Variants in DLGAP2 observed in about 807,000 individuals in gnomAD.
DLGAP2 encodes the protein disks large-associated protein 2.
Under a neutral mutation model 100.3 loss-of-function variants are expected in DLGAP2, and 26 were observed. That is an observed-to-expected ratio of 0.26 (90% CI 0.19 to 0.36). DLGAP2 has a LOEUF of 0.36. Among genes scored for constraint, DLGAP2 ranks in the 10% least tolerant of loss-of-function variants. The pLI is 1.00. For missense variants in DLGAP2, 1,858 were observed against 1,453.2 expected, an observed-to-expected ratio of 1.28 and a Z score of -4.53; for synonymous variants, 886 against 630.1, an observed-to-expected ratio of 1.41 and a Z score of -6.08.
At chr8:1,087,938 G>T (rs1804030619) in intron 2 of DLGAP2, among the ~76,000 whole-genome samples, 1 of 152,194 alleles carries the variant, frequency 6.6e-6, no homozygotes, top group African/African-American at 2.4e-5. Flanking sequence ...CGCCCTCAGG[G>T]CACAATGTCA....
intron 1 of DLGAP2, among the ~76,000 whole-genome samples, chr8:838,728 AG>A (rs1214165521): frequency 5.3e-5 from 8 of 152,210 alleles, no homozygotes; most frequent in Non-Finnish European, 1.2e-4. Flanking sequence ...AAGACTCAAA[AG>A]AACAAGTAAT....
At chr8:1,364,720 C>G (rs1802069820) in intron 3 of DLGAP2, among the ~76,000 whole-genome samples, 1 of 152,348 alleles carries the variant, frequency 6.6e-6, no homozygotes, top group Middle Eastern at 3.4e-3. Flanking sequence ...GTGGGGGAGA[C>G]AGGCCCGAAC....
intron 2 of DLGAP2, among the ~76,000 whole-genome samples, chr8:1,238,403 A>G (rs188962778): frequency 1.5e-4 from 10 of 67,160 alleles, no homozygotes; most frequent in Non-Finnish European, 2.1e-4. Flanking sequence ...ACATGGCGCC[A>G]TGTCTAGTTA....
chr8:1,224,476 C>T (rs939134543), intron 2 of DLGAP2, among the ~76,000 whole-genome samples: 2 of 152,012 alleles, frequency 1.3e-5, no homozygotes, highest in African/African-American at 4.8e-5. Flanking sequence ...GTGTTTATTT[C>T]ATCTCAAAAC....
chr8:1,224,816 A>C (rs577075953), intron 2 of DLGAP2, among the ~76,000 whole-genome samples: 11 of 152,372 alleles, frequency 7.2e-5, no homozygotes, highest in African/African-American at 2.6e-4. Context: ...CAAATGGTCA[A>C]CAAGCACGTG....
At position 1,675,829 on chromosome 8, in the gene DLGAP2, T is replaced by G. The variant is rs537518910; in HGVS notation, c.2203-704T>G. Reference sequence around the variant, plus strand: ...AGTTTTCCTACTTGGTTTGGTTTTGTTTTTTTTTTTTTAGAGAACGTACTG... The same window carrying G: ...AGTTTTCCTACTTGGTTTGGTTTTGGTTTTTTTTTTTTAGAGAACGTACTG... On this transcript the variant is annotated intron_variant, in intron 10 of 14. Coordinates refer to ENST00000637795, the MANE Select transcript of DLGAP2 (RefSeq NM_001346810.2). Among the ~76,000 whole-genome samples the G allele has an allele frequency of 2.1e-5, 3 of 141,594 alleles. No homozygotes were observed. In the South Asian group the frequency reaches 6.8e-4, roughly 32 times the overall value. The allele number at this position is 141,594 out of a possible 152,430, so 92.9% of individuals were successfully genotyped here. A position where few individuals can be genotyped will look rare whatever the true frequency, so the allele number is the denominator to read the frequency against.
At chr8:1,304,244 G>A (rs1386236059) in intron 3 of DLGAP2, among the ~76,000 whole-genome samples, 1 of 152,236 alleles carries the variant, frequency 6.6e-6, no homozygotes, top group East Asian at 1.9e-4. Context: ...GGAGCCCTGA[G>A]CATGGGCTAT....
intron 3 of DLGAP2, among the ~76,000 whole-genome samples, chr8:1,320,466 G>T (rs1017734356): frequency 3.3e-5 from 5 of 152,134 alleles, no homozygotes; most frequent in Non-Finnish European, 7.4e-5. Context: ...GTCTGCCGAG[G>T]CTGGGAAGGC....
intron 2 of DLGAP2, among the ~76,000 whole-genome samples, chr8:1,134,760 A>G (rs1474501096): frequency 6.6e-6 from 1 of 152,178 alleles, no homozygotes; most frequent in Non-Finnish European, 1.5e-5. Flanking sequence ...GCAGGCCCAT[A>G]TTACGTGGCG....
intron 6 of DLGAP2, among the ~76,000 whole-genome samples, chr8:1,601,658 A>C (rs1160247257): frequency 6.6e-6 from 1 of 152,100 alleles, no homozygotes; most frequent in Non-Finnish European, 1.5e-5. Flanking sequence ...TTGAAAGTAA[A>C]ATGGAGCCTC....
chr8:1,203,315 G>A (rs542169591), intron 2 of DLGAP2, among the ~76,000 whole-genome samples: 12 of 151,272 alleles, frequency 7.9e-5, no homozygotes, highest in Non-Finnish European at 1.6e-4. Context: ...TGAGACTGGC[G>A]TGTCCTTCGG....
At position 1,705,744 on chromosome 8, in the gene DLGAP2, A is replaced by T. The variant is rs1372102601; in HGVS notation, c.*4338A>T. ...TTTTTTTTTTAGCTGCAAATTTAAC[A>T]GGCTAATTTAAAACTGCAGTTTTCA... On this transcript the variant is annotated 3_prime_UTR_variant, in exon 15 of 15. Transcript: ENST00000637795. 2 of 151,994 alleles carry T rather than the reference A, an allele frequency of 1.3e-5. No individual in the cohort carries two copies. Among genetic ancestry groups the T allele is most frequent in the Non-Finnish European group, 2.9e-5 (2 of 67,998 alleles). 9.4% of individuals were successfully genotyped at this position (151,994 alleles called of 1,614,324 possible). A position where few individuals can be genotyped will look rare whatever the true frequency, so the allele number is the denominator to read the frequency against.
At chr8:1,684,931 A>G (rs1799075132) in intron 12 of DLGAP2, among the ~76,000 whole-genome samples, 1 of 152,096 alleles carries the variant, frequency 6.6e-6, no homozygotes, top group Admixed American at 6.5e-5. Context: ...CCTTGCCCCA[A>G]ATGACTCCTC....
At chr8:1,622,298 A>G (rs1031561854) in intron 6 of DLGAP2, 1 of 152,258 alleles carries the variant, frequency 6.6e-6, no homozygotes, top group Non-Finnish European at 1.5e-5. Flanking sequence ...CACATTTAGT[A>G]TGGAAAAAAA....
intron 4 of DLGAP2, among the ~76,000 whole-genome samples, chr8:1,516,847 C>T (rs551731434): frequency 1.5e-4 from 23 of 152,272 alleles, no homozygotes; most frequent in African/African-American, 5.5e-4. Flanking sequence ...TTTTTTTGTG[C>T]TGAAATTAGT....
At chr8:1,603,185 G>A (rs1796683548) in intron 6 of DLGAP2, among the ~76,000 whole-genome samples, 4 of 151,002 alleles carry the variant, frequency 2.6e-5, no homozygotes, top group African/African-American at 9.8e-5. Flanking sequence ...GGTTAGAGTG[G>A]AGGCTGGGTC....
chr8:995,227 T>C (rs912813882), intron 2 of DLGAP2, among the ~76,000 whole-genome samples: 11 of 152,300 alleles, frequency 7.2e-5, no homozygotes, highest in African/African-American at 2.6e-4. Flanking sequence ...AACAACTGTT[T>C]TGTGGGAGGA....
chr8:851,650 C>G (rs765818542), intron 1 of DLGAP2, among the ~76,000 whole-genome samples: 3 of 152,168 alleles, frequency 2.0e-5, no homozygotes, highest in Non-Finnish European at 4.4e-5. Context: ...ATTTATTTAT[C>G]CAGCTGCCGA....
intron 3 of DLGAP2, among the ~76,000 whole-genome samples, chr8:1,316,806 C>T (rs1381269822): frequency 2.1e-5 from 3 of 142,264 alleles, no homozygotes; most frequent in Admixed American, 7.0e-5. Context: ...TCGAGAAACT[C>T]GGTAGCGTTT....
Sources: allele counts gnomAD v4.1 joint callset (sites outside exome capture counted in the v4.1 genomes callset), GRCh38; gene constraint gnomAD v4.1.1; transcripts MANE v1.5; gene names NCBI Gene and HGNC (gene_info 2026-07-23, HGNC 2026-07-21).